The following KALRN variants were observed in gnomAD, a reference collection of about 807,000 sequenced individuals.
The protein encoded by KALRN is kalirin RhoGEF kinase.
Under a neutral mutation model 353.7 loss-of-function variants are expected in KALRN, and 70 were observed. That is an observed-to-expected ratio of 0.20 (90% CI 0.16 to 0.24). The LOEUF (loss-of-function observed/expected upper bound fraction) is 0.24, where lower values mean the gene tolerates loss of function less well. KALRN is among the 10% of genes least tolerant of loss of function. KALRN has a pLI of 1.00. For missense variants in KALRN, 2,791 were observed against 3,756.7 expected, an observed-to-expected ratio of 0.74 and a Z score of 6.72; for synonymous variants, 1,391 against 1,434.8, an observed-to-expected ratio of 0.97 and a Z score of 0.69.
intron 3 of KALRN, among the ~76,000 whole-genome samples, chr3:124,243,000 C>G (rs2080679594): frequency 6.6e-6 from 1 of 152,196 alleles, no homozygotes; most frequent in African/African-American, 2.4e-5. Context: ...CTATCAGTAG[C>G]AGGGACCCCG....
intron 11 of KALRN, among the ~76,000 whole-genome samples, chr3:124,388,234 G>A (rs1183257149): frequency 6.6e-6 from 1 of 151,796 alleles, no homozygotes; most frequent in African/African-American, 2.4e-5. Context: ...TTTCCTAGTA[G>A]GAAACTTCCT....
intron 14 of KALRN, among the ~76,000 whole-genome samples, chr3:124,421,514 T>G (rs144018163): frequency 5.1e-4 from 78 of 152,320 alleles, no homozygotes; most frequent in African/African-American, 1.9e-3. Context: ...AGGTAGCTTA[T>G]GAGGTAGGTA....
At position 124,116,615 on chromosome 3, in the gene KALRN, G is replaced by C. The variant is rs191434520; in HGVS notation, c.73+82802G>C. On this transcript the variant is annotated intron_variant, in intron 1 of 59. Coordinates refer to ENST00000682506, the MANE Select transcript of KALRN (RefSeq NM_001388419.1). ...GTTCCCCCTTATCTGAGGGGGATAC[G>C]TTCCAAGATCCCCAGTGGATGCCTG... Among the ~76,000 whole-genome samples the C allele has an allele frequency of 7.9e-5, 12 of 152,264 alleles. No homozygotes were observed. The East Asian group carries it at 2.3e-3, about 29-fold the overall frequency.
chr3:124,224,318 A>G (rs531886994), intron 1 of KALRN, among the ~76,000 whole-genome samples: 68 of 152,054 alleles, frequency 4.5e-4, no homozygotes, highest in African/African-American at 1.5e-3. Flanking sequence ...ATTGAAAGAA[A>G]AAGAATTGTC....
chr3:124,085,774 T>C (rs890028117), intron 1 of KALRN, among the ~76,000 whole-genome samples: 35 of 152,212 alleles, frequency 2.3e-4, no homozygotes, highest in African/African-American at 8.0e-4. Context: ...TATAACAACA[T>C]AAAATTTTAC....
At chr3:124,117,908 C>A (rs1045648154) in intron 1 of KALRN, among the ~76,000 whole-genome samples, 1 of 152,120 alleles carries the variant, frequency 6.6e-6, no homozygotes, top group African/African-American at 2.4e-5. Flanking sequence ...TTTCAGAAGC[C>A]CTTTTTGCTT....
intron 10 of KALRN, among the ~76,000 whole-genome samples, chr3:124,352,683 T>TG (rs546033616): frequency 5.9e-5 from 9 of 152,002 alleles, no homozygotes; most frequent in Admixed American, 3.3e-4. Context: ...TGTTTTGTTT[T>TG]TTTTTTTATC....
chr3:124,163,671 T>G, intron 1 of KALRN: 1 of 984,704 alleles, frequency 1.0e-6, no homozygotes, highest in South Asian at 4.7e-5. Flanking sequence ...AGAATAAATG[T>G]ATAAATATTA....
In KALRN at chr3:124,241,447, G is replaced by A. The variant is rs188669579; in HGVS notation, c.263+6504G>A. The stretch of plus-strand genomic sequence containing the variant: ...ATTAATAGATTAATGCAGTGCTAAA[G>A]TGTCTCTTGAGAAGTTTCTCTTAGC... On this transcript the variant is annotated intron_variant, in intron 3 of 59. Coordinates refer to ENST00000682506, the MANE Select transcript of KALRN (RefSeq NM_001388419.1). 1.4e-3 allele frequency among the ~76,000 whole-genome samples: 212 copies of A among 152,282 alleles called. 1 individual carries two copies. The highest frequency in any genetic ancestry group is 4.9e-3 in the African/African-American group (203 of 41,560).
At chr3:124,276,978 C>T (rs1042695476) in intron 5 of KALRN, among the ~76,000 whole-genome samples, 1 of 151,890 alleles carries the variant, frequency 6.6e-6, no homozygotes, top group African/African-American at 2.4e-5. Context: ...TGTGTGCACA[C>T]GTGCACACAC....
chr3:124,411,378 GA>G (rs202192361), intron 13 of KALRN, among the ~76,000 whole-genome samples: 2,318 of 134,226 alleles, frequency 0.017, 75 homozygotes, highest in East Asian at 0.088. Flanking sequence ...ATACAGTAAC[GA>G]AAAAGGCCTA....
chr3:124,419,879 A>T (rs2092698002), intron 14 of KALRN, among the ~76,000 whole-genome samples: 1 of 152,240 alleles, frequency 6.6e-6, no homozygotes, highest in South Asian at 2.1e-4. Context: ...TAAGAAAAAC[A>T]GATATATCAA....
rs1366457254 is a variant in KALRN, at chr3:124,723,774, A to G, written c.*4304A>G. 3 of 152,224 alleles carry G rather than the reference A, an allele frequency of 2.0e-5. No individual in the cohort carries two copies. The highest frequency in any genetic ancestry group is 7.2e-5 in the African/African-American group (3 of 41,466). The allele number at this position is 152,224 out of a possible 1,614,324, so 9.4% of individuals were successfully genotyped here. A position where few individuals can be genotyped will look rare whatever the true frequency, so the allele number is the denominator to read the frequency against. On this transcript the variant is annotated 3_prime_UTR_variant, in exon 60 of 60. Coordinates refer to ENST00000682506, the MANE Select transcript of KALRN (RefSeq NM_001388419.1). ...TTTTCTCCAGTATTTCTTATGGCAG[A>G]TGCGAAGAGTAAAATGCCCTTGAAA...
chr3:124,212,192 G>T (rs760449477), intron 1 of KALRN, among the ~76,000 whole-genome samples: 5 of 151,240 alleles, frequency 3.3e-5, no homozygotes, highest in Non-Finnish European at 7.4e-5. Flanking sequence ...ATACATATTT[G>T]TTGTAGAAAG....
At chr3:124,583,275 C>T (rs1003323582) in intron 34 of KALRN, among the ~76,000 whole-genome samples, 1 of 152,080 alleles carries the variant, frequency 6.6e-6, no homozygotes, top group Non-Finnish European at 1.5e-5. Context: ...AATGGGCCCT[C>T]TTTATGAGTG....
intron 3 of KALRN, among the ~76,000 whole-genome samples, chr3:124,261,310 T>C (rs2072835082): frequency 6.6e-6 from 1 of 152,174 alleles, no homozygotes; most frequent in African/African-American, 2.4e-5. Flanking sequence ...CATACCTAGT[T>C]TATGAAGTTA....
At chr3:124,651,132 C>G (rs944130049) in intron 38 of KALRN, among the ~76,000 whole-genome samples, 194 bp downstream of exon 38, 5 of 152,178 alleles carry the variant, frequency 3.3e-5, no homozygotes, top group Non-Finnish European at 7.3e-5. Context: ...GAAGTTTAGG[C>G]TAAAGTATAT....
chr3:124,529,888 G>A (rs1447711928), intron 33 of KALRN, among the ~76,000 whole-genome samples: 3 of 152,052 alleles, frequency 2.0e-5, no homozygotes, highest in African/African-American at 4.8e-5. Flanking sequence ...CAACTGCTAT[G>A]AGAAGTCAGA....
At chr3:124,435,418 G>A (rs990077930) in intron 17 of KALRN, among the ~76,000 whole-genome samples, 1 of 152,204 alleles carries the variant, frequency 6.6e-6, no homozygotes, top group African/African-American at 2.4e-5. Context: ...CATCTGTACA[G>A]CAATATGCAC....
Sources: allele counts gnomAD v4.1 joint callset (sites outside exome capture counted in the v4.1 genomes callset), GRCh38; gene constraint gnomAD v4.1.1; transcripts MANE v1.5; gene names NCBI Gene and HGNC (gene_info 2026-07-23, HGNC 2026-07-21).